SORCS3: variants seen among roughly 807,000 people sequenced by gnomAD.
SORCS3 encodes the protein sortilin related VPS10 domain containing receptor 3, also known as VPS10 domain-containing receptor SorCS3.
In SORCS3, 57 loss-of-function variants were observed where a neutral mutation model predicts 146.3. That is an observed-to-expected ratio of 0.39 (90% CI 0.31 to 0.49). The LOEUF is 0.49. SORCS3 is among the 20% of genes least tolerant of loss of function. The probability of loss-of-function intolerance (pLI) is 0.92; values close to 1 mark genes in which losing one functional copy is unlikely to be tolerated. For missense variants in SORCS3, 1,341 were observed against 1,575.5 expected, an observed-to-expected ratio of 0.85 and a Z score of 2.52; for synonymous variants, 653 against 618.5, an observed-to-expected ratio of 1.06 and a Z score of -0.83.
Position 105,223,199 on chromosome 10 carries a change from A to G in SORCS3, c.2818A>G (p.Ser940Gly), listed in dbSNP as rs758288537. ...CAACATCAGTGCAGTCGTGTGGCCC[A>G]GTCAACTGGGGACCCTTACCTATTT... ...EVNISAVVWP[S>G]QLGTLTYFWW... Residue 940 changes from serine (S) to glycine (G), a missense_variant, in exon 20 of 27, where the codon AGT becomes GGT. Transcript: ENST00000369701. 4 of 1,613,460 alleles carry G rather than the reference A, an allele frequency of 2.5e-6. No individual in the cohort carries two copies. The highest frequency in any genetic ancestry group is 3.4e-6 in the Non-Finnish European group (4 of 1,179,554).
intron 1 of SORCS3, among the ~76,000 whole-genome samples, chr10:104,657,403 T>C (rs144576738): frequency 9.1e-4 from 138 of 152,286 alleles, no homozygotes; most frequent in Non-Finnish European, 1.5e-3. Context: ...ACTTGAGAGA[T>C]TGGATGTAGC....
chr10:105,027,587 A>G (rs993406431), intron 4 of SORCS3, among the ~76,000 whole-genome samples: 2 of 152,044 alleles, frequency 1.3e-5, no homozygotes, highest in Non-Finnish European at 2.9e-5. Context: ...TTTCATGGTC[A>G]TTCACAGACA....
intron 7 of SORCS3, among the ~76,000 whole-genome samples, chr10:105,113,824 C>A (rs932951852): frequency 7.2e-5 from 11 of 152,106 alleles, no homozygotes; most frequent in Non-Finnish European, 1.3e-4. Flanking sequence ...TCAAAAGAAG[C>A]TAATCCTTCC....
intron 2 of SORCS3, among the ~76,000 whole-genome samples, chr10:104,861,805 G>T (rs776185713): frequency 6.6e-6 from 1 of 152,094 alleles, no homozygotes; most frequent in Non-Finnish European, 1.5e-5. Context: ...ATGTCCCACC[G>T]TCCTGGAGGC....
chr10:104,983,277 C>T (rs11192261), intron 4 of SORCS3, among the ~76,000 whole-genome samples: 20,653 of 151,718 alleles, frequency 0.14, 1,525 homozygotes, highest in Middle Eastern at 0.19. Context: ...TTTGAATTTA[C>T]AGGTGTGAAC....
chr10:105,228,435 T>C (rs1186974449), intron 20 of SORCS3, among the ~76,000 whole-genome samples: 4 of 151,878 alleles, frequency 2.6e-5, no homozygotes, highest in Non-Finnish European at 5.9e-5. Context: ...GCTTTCTTTC[T>C]TGCTCTTTCT....
At chr10:104,679,490 G>T (rs1316963386) in intron 1 of SORCS3, among the ~76,000 whole-genome samples, 2 of 152,188 alleles carry the variant, frequency 1.3e-5, no homozygotes, top group Non-Finnish European at 2.9e-5. Context: ...CCAGTCCAGG[G>T]CTCACTTTTC....
At chr10:104,955,884 C>A (rs1233596998) in intron 3 of SORCS3, among the ~76,000 whole-genome samples, 1 of 152,170 alleles carries the variant, frequency 6.6e-6, no homozygotes, top group African/African-American at 2.4e-5. Context: ...AGAAAAAGTT[C>A]TTCTTGCCAC....
At chr10:105,074,834 G>A (rs1003326600) in intron 5 of SORCS3, among the ~76,000 whole-genome samples, 32 of 152,264 alleles carry the variant, frequency 2.1e-4, no homozygotes, top group African/African-American at 7.7e-4. Flanking sequence ...GTACCAAAAT[G>A]CATGCCCCTA....
chr10:104,984,789 G>A (rs535951498), intron 4 of SORCS3, among the ~76,000 whole-genome samples: 1 of 152,156 alleles, frequency 6.6e-6, no homozygotes, highest in East Asian at 1.9e-4. Context: ...GAACTTTTTG[G>A]TTTCCCCATG....
At chr10:105,113,786 G>A (rs1357878438) in intron 7 of SORCS3, among the ~76,000 whole-genome samples, 2 of 152,168 alleles carry the variant, frequency 1.3e-5, no homozygotes, top group Non-Finnish European at 2.9e-5. Flanking sequence ...CCTTTTCTGT[G>A]TAGGGGACCT....
chr10:105,137,359 T>C (rs569404476), intron 7 of SORCS3, among the ~76,000 whole-genome samples: 2 of 152,254 alleles, frequency 1.3e-5, no homozygotes, highest in South Asian at 4.2e-4. Flanking sequence ...TCATCAGGTA[T>C]AAGGACTCCT....
chr10:105,076,357 C>T (rs1440380746), intron 5 of SORCS3, among the ~76,000 whole-genome samples: 2 of 152,150 alleles, frequency 1.3e-5, no homozygotes, highest in Non-Finnish European at 2.9e-5. Flanking sequence ...CACAAGTACC[C>T]TGTTATCCTG....
chr10:104,872,638 G>A (rs561486526), intron 2 of SORCS3, among the ~76,000 whole-genome samples: 1 of 147,414 alleles, frequency 6.8e-6, no homozygotes, highest in African/African-American at 2.5e-5. Flanking sequence ...AGGAATCTCT[G>A]AAATAGAGGG....
intron 2 of SORCS3, among the ~76,000 whole-genome samples, chr10:104,860,893 G>A (rs2018393967): frequency 6.6e-6 from 1 of 152,102 alleles, no homozygotes; most frequent in Non-Finnish European, 1.5e-5. Flanking sequence ...ATAAGACCTG[G>A]CTTCAGTTGG....
chr10:104,753,161 G>T (rs1755282081), intron 1 of SORCS3, among the ~76,000 whole-genome samples: 1 of 152,106 alleles, frequency 6.6e-6, no homozygotes, highest in Non-Finnish European at 1.5e-5. Flanking sequence ...ATTGACTTTG[G>T]ACAACCATGG....
At chr10:104,788,939 A>T (rs891959267) in intron 1 of SORCS3, among the ~76,000 whole-genome samples, 1 of 152,204 alleles carries the variant, frequency 6.6e-6, no homozygotes, top group Non-Finnish European at 1.5e-5. Flanking sequence ...CCGATTTGTT[A>T]TGTGCCATCT....
intron 20 of SORCS3, among the ~76,000 whole-genome samples, chr10:105,235,732 G>A (rs911863446): frequency 1.3e-5 from 2 of 151,940 alleles, no homozygotes; most frequent in African/African-American, 4.8e-5. Flanking sequence ...CGATATAGTG[G>A]ACAGAACATG....
At chr10:104,973,613 T>C (rs937884367) in intron 3 of SORCS3, among the ~76,000 whole-genome samples, 2 of 150,732 alleles carry the variant, frequency 1.3e-5, no homozygotes, top group African/African-American at 5.0e-5. Context: ...TTGCTAGCGG[T>C]CTATCAATTT....
Sources: gnomAD v4.1 joint callset for allele counts (sites outside exome capture counted in the v4.1 genomes callset) on GRCh38, gnomAD v4.1.1 for gene constraint, MANE v1.5 for transcripts, NCBI Gene and HGNC (gene_info 2026-07-23, HGNC 2026-07-21) for gene names.